MYO15A: variants seen among roughly 807,000 people sequenced by gnomAD.
MYO15A encodes myosin XVA, also known as unconventional myosin-XV.
A neutral mutation model predicts 394.6 loss-of-function variants in MYO15A; 308 were observed. The ratio of observed to expected loss-of-function variants is 0.78; its 90% CI spans 0.71 to 0.86. The LOEUF (loss-of-function observed/expected upper bound fraction) is 0.86, where lower values mean the gene tolerates loss of function less well. MYO15A is among the 40% of genes least tolerant of loss of function. The probability of loss-of-function intolerance (pLI) is 0.00; values close to 1 mark genes in which losing one functional copy is unlikely to be tolerated. For synonymous variants in MYO15A, 1,957 were observed against 2,003.8 expected, an observed-to-expected ratio of 0.98 and a Z score of 0.62; for missense variants, 4,606 against 4,799.1, an observed-to-expected ratio of 0.96 and a Z score of 1.19.
At chr17:18,171,876 T>G in intron 63 of MYO15A, 105 bp downstream of exon 63, 1 of 1,488,568 alleles carries the variant, frequency 6.7e-7, no homozygotes, top group Non-Finnish European at 8.9e-7. Flanking sequence ...AAAGGCATTT[T>G]TCAGTGCCAG....
chr17:18,172,810 C>CTCCTA (rs2046961441), intron 64 of MYO15A: 2 of 202,632 alleles, frequency 9.9e-6, no homozygotes, highest in African/African-American at 4.7e-5. Flanking sequence ...ATCCTAACAG[C>CTCCTA]TTCATTTTAA....
chr17:18,158,181 G>A (rs1023185993), intron 51 of MYO15A: 71 of 590,440 alleles, frequency 1.2e-4, no homozygotes, highest in Non-Finnish European at 3.0e-5. Flanking sequence ...GCCGGGGCCC[G>A]CCAGTTGGTG....
At chr17:18,142,626 G>C in intron 24 of MYO15A, 130 bp from the exon 25 acceptor site, 1 of 795,332 alleles carries the variant, frequency 1.3e-6, no homozygotes, top group African/African-American at 1.7e-5. Context: ...GTTTCCCTTT[G>C]AGCCAAAGGA....
At chr17:18,151,674 C>G (rs750936357) in intron 40 of MYO15A, 147 bp downstream of exon 40, 205 of 1,212,434 alleles carry the variant, frequency 1.7e-4, no homozygotes, top group Non-Finnish European at 2.3e-4. Context: ...AGATGAGGCC[C>G]TGCTGTTGTC....
At chr17:18,165,508 C>T (rs1007392902) in intron 60 of MYO15A, among the ~76,000 whole-genome samples, 1 of 152,204 alleles carries the variant, frequency 6.6e-6, no homozygotes, top group Non-Finnish European at 1.5e-5. Context: ...CTCACATCTC[C>T]TCCTCTGATT....
chr17:18,142,135 G>A lies in MYO15A; in HGVS notation c.5706G>A (p.Leu1902=). The A allele has an allele frequency of 1.2e-6, 2 of 1,613,836 alleles. No homozygotes were observed. The highest frequency in any genetic ancestry group is 1.7e-6 in the Non-Finnish European group (2 of 1,180,034). The change falls in exon 24 of 66, where the codon CTG becomes CTA. Residue 1902 remains leucine (L), a synonymous_variant. Transcript: ENST00000647165. ...QLLESMREHV[L]NLAALTLQRC... ...TGGAGAGTATGCGAGAGCATGTCCT[G>A]AATCTGGCAGCCCTCACTCTGCAGC...
intron 65 of MYO15A, among the ~76,000 whole-genome samples, chr17:18,175,427 A>G (rs2047001695): frequency 6.6e-6 from 1 of 151,352 alleles, no homozygotes; most frequent in Admixed American, 6.6e-5. Context: ...AGTAGCTGGG[A>G]CTGCAGGCGC....
chr17:18,122,181 C>G lies in MYO15A; in HGVS notation c.3381C>G (p.Phe1127Leu). ...CTCGTGTGCAGAAGCTGAGCTCTTT[C>G]CAGCGAGTTGGGCCTGCAACCCTGA... is the stretch of plus-strand genomic sequence containing the variant. ...VMPRVQKLSS[F>L]QRVGPATLKP... Residue 1127 changes from phenylalanine (F) to leucine (L), a missense_variant, in exon 2 of 66, where the codon TTC becomes TTG. This residue lies in a region of MYO15A where 1,830 missense variants were observed against 1,689.7 expected (regional missense o/e 1.08). Transcript: ENST00000647165. 6.2e-7 allele frequency: 1 copy of G among 1,613,160 alleles called. No homozygotes were observed. The highest frequency in any genetic ancestry group is 8.5e-7 in the Non-Finnish European group (1 of 1,180,022).
chr17:18,155,427 A>C lies in MYO15A; in HGVS notation c.8454A>C (p.Ala2818=), dbSNP rs773142264. The C allele has an allele frequency of 1.7e-5, 27 of 1,612,978 alleles. No homozygotes were observed. Among genetic ancestry groups the C allele is most frequent in the Admixed American group, 3.3e-5 (2 of 60,026 alleles). ...GCGGGCAGCTGCGGGTCCTGCGTGC[A>C]TACAGGTGACCAGCAGGGGTGAAGT... ...EAGGQLRVLR[A]YSFADILFVT... Residue 2818 remains alanine, a synonymous_variant, in exon 47 of 66, where the codon GCA becomes GCC. Transcript: ENST00000647165.
rs898342283 is a variant in MYO15A at position 18,120,249 on chromosome 17, C to G, written c.1449C>G (p.Pro483=). 1.9e-6 allele frequency: 3 copies of G among 1,612,128 alleles called. No homozygotes were observed. The highest frequency in any genetic ancestry group is 3.3e-4 in the Middle Eastern group (2 of 6,062). ...LIRKFRLFPR[P]QVKLFGKEKL... is the part of the protein sequence containing the mutation. ...GCAAGTTCCGCCTCTTCCCGCGACCCCAGGTGAAGCTGTTTGGGAAGGAGA... is the reference window on the plus strand; with the variant it reads ...GCAAGTTCCGCCTCTTCCCGCGACCGCAGGTGAAGCTGTTTGGGAAGGAGA... The change falls in exon 2 of 66, where the codon CCC becomes CCG. Residue 483 remains proline (P), a synonymous_variant. Coordinates refer to ENST00000647165, the MANE Select transcript of MYO15A (RefSeq NM_016239.4).
At chr17:18,172,045 A>C in intron 63 of MYO15A, 112 bp from the exon 64 acceptor site, 1 of 1,568,458 alleles carries the variant, frequency 6.4e-7, no homozygotes, top group Non-Finnish European at 8.7e-7. Flanking sequence ...ACCCAGACCA[A>C]GGGCTTCTGC....
At position 18,120,652 on chromosome 17, in the gene MYO15A, G is replaced by A. The variant is rs2045902033; in HGVS notation, c.1852G>A (p.Asp618Asn). ...CTTCGGCTACAAGCTGGCTGGCATG[G>A]ACCCCGAGAAGCCCGGCACGCCCAT... ...KRFGYKLAGM[D>N]PEKPGTPIVL... Residue 618 changes from aspartate to asparagine, a missense_variant, in exon 2 of 66, where the codon GAC (aspartate) becomes AAC (asparagine). By Grantham distance (23) the Asp-to-Asn change is conservative. Transcript: ENST00000647165. 11 of 1,593,138 alleles carry A rather than the reference G, an allele frequency of 6.9e-6. No homozygotes were observed. Among genetic ancestry groups the A allele is most frequent in the Non-Finnish European group, 9.4e-6 (11 of 1,173,784 alleles).
Position 18,147,507 on chromosome 17 carries a change from C to T in MYO15A, c.6510-522C>T, listed in dbSNP as rs758337665. Among the ~76,000 whole-genome samples, 1 of 152,080 alleles carries T rather than the reference C, an allele frequency of 6.6e-6. No homozygotes were observed. Among genetic ancestry groups the T allele is most frequent in the African/African-American group, 2.4e-5 (1 of 41,394 alleles). ...TGAGGAATGGCTGGTAGGGATTGGG[C>T]TCATTGGGCCTGGGTTGAGTTGAAC... On this transcript the variant is annotated intron_variant, in intron 30 of 65. Coordinates refer to ENST00000647165, the MANE Select transcript of MYO15A (RefSeq NM_016239.4). The surrounding 1 kb of genome is among the most constrained non-coding windows in gnomAD (Gnocchi z 4.4).
At chr17:18,156,881 G>A in intron 48 of MYO15A, 73 bp from the exon 49 acceptor site, 1 of 1,299,292 alleles carries the variant, frequency 7.7e-7, no homozygotes, top group South Asian at 1.2e-5. Flanking sequence ...GATGTGAGGA[G>A]CAGGGGTGGC....
chr17:18,157,474 A>C, intron 50 of MYO15A: 1 of 894,232 alleles, frequency 1.1e-6, no homozygotes, highest in Non-Finnish European at 1.7e-6. Context: ...ATGTCTCCAC[A>C]TGACCTGAGA....
At chr17:18,140,958 A>G in intron 21 of MYO15A, 61 bp from the exon 22 acceptor site, 1 of 1,612,930 alleles carries the variant, frequency 6.2e-7, no homozygotes, top group Non-Finnish European at 8.5e-7. Flanking sequence ...ATTCACCATG[A>G]TAATGCCTTT....
chr17:18,160,941 C>T (rs2142397944), intron 56 of MYO15A: 1 of 383,096 alleles, frequency 2.6e-6, no homozygotes, highest in South Asian at 2.1e-5. Flanking sequence ...AGCTTGTCCT[C>T]CTGCTCCTCC....
intron 42 of MYO15A, 26 bp downstream of exon 42, chr17:18,152,210 G>A (rs754620402): frequency 2.5e-5 from 38 of 1,542,950 alleles, no homozygotes; most frequent in Non-Finnish European, 3.1e-5. Flanking sequence ...GGGAGGGAGG[G>A]GAGGGTGTCC....
intron 2 of MYO15A, 52 bp from the exon 3 acceptor site, chr17:18,124,431 G>T: frequency 6.3e-7 from 1 of 1,582,140 alleles, no homozygotes; most frequent in South Asian, 1.1e-5. Flanking sequence ...GGGGTCAGTG[G>T]GGGAGGGGGG....
Sources: allele counts gnomAD v4.1 joint callset (sites outside exome capture counted in the v4.1 genomes callset), GRCh38; gene constraint gnomAD v4.1.1; regional missense constraint gnomAD v4.1.1; non-coding constraint Gnocchi (gnomAD v3.1); transcripts MANE v1.5; gene names NCBI Gene and HGNC (gene_info 2026-07-23, HGNC 2026-07-21).